The following KCNN2 variants were observed in gnomAD, a reference collection of about 807,000 sequenced individuals.
KCNN2 encodes the protein small conductance calcium-activated potassium channel protein 2.
A neutral mutation model predicts 55.5 loss-of-function variants in KCNN2; 24 were observed. The ratio of observed to expected loss-of-function variants is 0.43; its 90% CI spans 0.31 to 0.61. The LOEUF is 0.61. Among genes scored for constraint, KCNN2 ranks in the 20% least tolerant of loss-of-function variants. The pLI is 0.08. For synonymous variants in KCNN2, 431 were observed against 336.1 expected, an observed-to-expected ratio of 1.28 and a Z score of -3.09; for missense variants, 754 against 853.6, an observed-to-expected ratio of 0.88 and a Z score of 1.45.
At chr5:114,292,799 G>A (rs1476943171) in intron 2 of KCNN2, among the ~76,000 whole-genome samples, 16 of 152,090 alleles carry the variant, frequency 1.1e-4, no homozygotes, top group East Asian at 1.9e-4. Context: ...CCATTTTCAC[G>A]ATATTGATTC....
intron 1 of KCNN2, among the ~76,000 whole-genome samples, chr5:114,215,584 A>G (rs2112586580): frequency 6.6e-6 from 1 of 152,254 alleles, no homozygotes; most frequent in African/African-American, 2.4e-5. Context: ...ACATAAAATT[A>G]TGCTACAAAT....
intron 1 of KCNN2, among the ~76,000 whole-genome samples, chr5:114,089,826 A>G (rs1041825452): frequency 6.6e-5 from 10 of 152,226 alleles, no homozygotes; most frequent in African/African-American, 2.4e-4. Context: ...GAGAAGTAGA[A>G]GAATTTAAGA....
intron 3 of KCNN2, among the ~76,000 whole-genome samples, chr5:114,444,897 T>A (rs1216249333): frequency 6.6e-6 from 1 of 151,954 alleles, no homozygotes; most frequent in Admixed American, 6.6e-5. Context: ...CTGAAAAAAT[T>A]TTTCTCCTTG....
At chr5:114,087,150 A>G (rs1209270352) in intron 1 of KCNN2, among the ~76,000 whole-genome samples, 11 of 151,732 alleles carry the variant, frequency 7.2e-5, no homozygotes. Context: ...GAGTTGTTTA[A>G]GTTCCTTGTA....
At chr5:114,444,323 A>G (rs1368412857) in intron 3 of KCNN2, among the ~76,000 whole-genome samples, 1 of 152,130 alleles carries the variant, frequency 6.6e-6, no homozygotes, top group Non-Finnish European at 1.5e-5. Flanking sequence ...AGGAGGGGTT[A>G]GAGTATTAAG....
intron 1 of KCNN2, among the ~76,000 whole-genome samples, chr5:114,158,321 G>A (rs368833124): frequency 8.5e-5 from 13 of 152,218 alleles, no homozygotes; most frequent in Middle Eastern, 3.4e-3. Flanking sequence ...GTAGTTATGC[G>A]GCATTATTTC....
intron 1 of KCNN2, among the ~76,000 whole-genome samples, chr5:114,173,273 G>T (rs940034735): frequency 6.6e-6 from 1 of 151,672 alleles, no homozygotes; most frequent in African/African-American, 2.4e-5. Context: ...TTCTCTATTC[G>T]GTTCCATTGA....
intron 1 of KCNN2, among the ~76,000 whole-genome samples, chr5:114,218,631 G>C (rs984327321): frequency 6.6e-6 from 1 of 152,290 alleles, no homozygotes; most frequent in Middle Eastern, 3.4e-3. Context: ...TCAGGGCAGT[G>C]AATTACTCTG....
chr5:114,247,800 T>C (rs184084399), intron 2 of KCNN2, among the ~76,000 whole-genome samples: 242 of 152,306 alleles, frequency 1.6e-3, no homozygotes, highest in African/African-American at 5.5e-3. Context: ...AGGGTAGCCA[T>C]TGTTGACATA....
chr5:114,393,972 TC>T (rs1561604635), intron 2 of KCNN2, among the ~76,000 whole-genome samples: 25 of 110,452 alleles, frequency 2.3e-4, no homozygotes, highest in Non-Finnish European at 4.5e-4. Context: ...CAACAAATAA[TC>T]ATGTACATTC....
chr5:114,242,684 C>T (rs967868769), intron 2 of KCNN2, among the ~76,000 whole-genome samples: 3 of 152,006 alleles, frequency 2.0e-5, no homozygotes, highest in Admixed American at 6.6e-5. Context: ...GGAAGCAAAT[C>T]GATCTCTAGG....
At chr5:114,075,715 T>G (rs1329095404) in intron 1 of KCNN2, among the ~76,000 whole-genome samples, 1 of 124,734 alleles carries the variant, frequency 8.0e-6, no homozygotes, top group Non-Finnish European at 1.8e-5. Flanking sequence ...CCAGGTGACT[T>G]GCTTTTTAGC....
At chr5:114,302,470 A>C (rs192781257) in intron 2 of KCNN2, among the ~76,000 whole-genome samples, 1 of 152,176 alleles carries the variant, frequency 6.6e-6, no homozygotes, top group Non-Finnish European at 1.5e-5. Context: ...AGCTACCTGG[A>C]ATAACAGTTA....
chr5:114,434,501 CTTT>C, intron 3 of KCNN2, among the ~76,000 whole-genome samples: 1 of 152,250 alleles, frequency 6.6e-6, no homozygotes, highest in Non-Finnish European at 1.5e-5. Flanking sequence ...TGTCTTCACA[CTTT>C]TTTATTTGGA....
chr5:114,206,304 T>C (rs1753766475), intron 1 of KCNN2, among the ~76,000 whole-genome samples: 1 of 152,174 alleles, frequency 6.6e-6, no homozygotes, highest in Admixed American at 6.6e-5. Flanking sequence ...AACATTTCCT[T>C]CTTCTTCTGG....
Position 114,123,425 on chromosome 5 carries a change from C to G in KCNN2, c.-271+66925C>G, listed in dbSNP as rs1281031716. 3.4e-5 allele frequency among the ~76,000 whole-genome samples: 2 copies of G among 58,924 alleles called. 1 individual carries two copies. The highest frequency in any genetic ancestry group is 6.7e-5 in the Non-Finnish European group (2 of 30,038). 38.7% of individuals were successfully genotyped at this position (58,924 alleles called of 152,430 possible). A position where few individuals can be genotyped will look rare whatever the true frequency, so the allele number is the denominator to read the frequency against. ...TTGCCCAGGCTGGAGTGCAGTGGCG[C>G]GATCTCGGCTCACTGCAAGCTCCGC... On this transcript the variant is annotated intron_variant, in intron 1 of 10. Coordinates refer to the KCNN2 transcript ENST00000512097.
intron 2 of KCNN2, among the ~76,000 whole-genome samples, chr5:114,254,725 T>C (rs1031788910): frequency 2.0e-5 from 3 of 152,218 alleles, no homozygotes; most frequent in Non-Finnish European, 1.5e-5. Context: ...GAACAGTTTT[T>C]CTCTTTCTTA....
chr5:114,337,544 T>A (rs1329369520), intron 2 of KCNN2, among the ~76,000 whole-genome samples: 1 of 152,342 alleles, frequency 6.6e-6, no homozygotes. Flanking sequence ...TTTCTCATCT[T>A]GCATTCTCTA....
intron 3 of KCNN2, among the ~76,000 whole-genome samples, chr5:114,415,044 C>T (rs1175567337): frequency 1.3e-5 from 2 of 152,202 alleles, no homozygotes; most frequent in African/African-American, 4.8e-5. Context: ...ATTTGCCTTT[C>T]TGAGGCTGTC....
Sources: allele counts gnomAD v4.1 joint callset (sites outside exome capture counted in the v4.1 genomes callset), GRCh38; gene constraint gnomAD v4.1.1; transcripts MANE v1.5; gene names NCBI Gene and HGNC (gene_info 2026-07-23, HGNC 2026-07-21).